DCC: variants seen among roughly 807,000 people sequenced by gnomAD.
DCC encodes DCC netrin 1 receptor.
A neutral mutation model predicts 172.5 loss-of-function variants in DCC; 58 were observed. The observed-to-expected ratio is 0.34, with a 90% CI of 0.27 to 0.42. The LOEUF (loss-of-function observed/expected upper bound fraction) is 0.42, where lower values mean the gene tolerates loss of function less well. DCC is among the 10% of genes least tolerant of loss of function. The pLI is 1.00. For synonymous variants in DCC, 709 were observed against 644.5 expected, an observed-to-expected ratio of 1.10 and a Z score of -1.52; for missense variants, 1,740 against 1,791.0, an observed-to-expected ratio of 0.97 and a Z score of 0.51.
At chr18:53,038,417 C>T (rs2042123933) in intron 5 of DCC, among the ~76,000 whole-genome samples, 1 of 151,930 alleles carries the variant, frequency 6.6e-6, no homozygotes, top group South Asian at 2.1e-4. Context: ...TAATCTAAAC[C>T]TACTTACCTC....
chr18:52,432,113 T>A (rs925039522), intron 1 of DCC, among the ~76,000 whole-genome samples: 1 of 152,196 alleles, frequency 6.6e-6, no homozygotes, highest in Non-Finnish European at 1.5e-5. Flanking sequence ...TTGTTCAAGC[T>A]TTGAAATCAC....
chr18:53,370,241 G>T (rs1034965522), intron 15 of DCC, among the ~76,000 whole-genome samples: 1 of 151,722 alleles, frequency 6.6e-6, no homozygotes, highest in Non-Finnish European at 1.5e-5. Flanking sequence ...TTGATGTACA[G>T]TTGTTTCTAG....
intron 15 of DCC, among the ~76,000 whole-genome samples, chr18:53,370,843 G>A (rs1432702672): frequency 6.6e-6 from 1 of 151,668 alleles, no homozygotes; most frequent in Non-Finnish European, 1.5e-5. Context: ...ACATATGCCT[G>A]TTAAATCTAG....
At chr18:52,651,027 A>G (rs145354941) in intron 1 of DCC, among the ~76,000 whole-genome samples, 182 of 152,350 alleles carry the variant, frequency 1.2e-3, no homozygotes, top group African/African-American at 4.1e-3. Flanking sequence ...TTATGAAAAG[A>G]AAAAGCTAAA....
chr18:52,475,350 G>A (rs564127348), intron 1 of DCC, among the ~76,000 whole-genome samples: 2 of 152,248 alleles, frequency 1.3e-5, no homozygotes, highest in South Asian at 4.1e-4. Flanking sequence ...AATAGTGGCA[G>A]AAAATAATGT....
At chr18:53,073,149 G>T (rs2042677923) in intron 7 of DCC, among the ~76,000 whole-genome samples, 1 of 152,114 alleles carries the variant, frequency 6.6e-6, no homozygotes, top group Non-Finnish European at 1.5e-5. Context: ...ATTGGGGAAA[G>T]TAAATTGAAA....
chr18:53,482,577 CT>C (rs1463818330), intron 25 of DCC, among the ~76,000 whole-genome samples: 17 of 151,984 alleles, frequency 1.1e-4, no homozygotes, highest in Middle Eastern at 3.4e-3. Context: ...GTATGAAACT[CT>C]TTTTCTAAAC....
intron 7 of DCC, among the ~76,000 whole-genome samples, chr18:53,157,132 G>A (rs1206841617): frequency 6.6e-6 from 1 of 152,074 alleles, no homozygotes; most frequent in Non-Finnish European, 1.5e-5. Context: ...GGACATTTAA[G>A]CAGTGGAATT....
At chr18:52,998,581 G>C (rs1015863719) in intron 5 of DCC, among the ~76,000 whole-genome samples, 8 of 151,976 alleles carry the variant, frequency 5.3e-5, no homozygotes, top group African/African-American at 1.7e-4. Flanking sequence ...CCCTTCATGG[G>C]GTTGGAAATT....
intron 16 of DCC, among the ~76,000 whole-genome samples, chr18:53,389,365 A>G (rs898831875): frequency 1.3e-5 from 2 of 152,194 alleles, no homozygotes; most frequent in African/African-American, 4.8e-5. Context: ...GAAAAAGACA[A>G]TTAATATATG....
chr18:52,931,425 A>T (rs1273181856), intron 5 of DCC, among the ~76,000 whole-genome samples: 4 of 126,008 alleles, frequency 3.2e-5, no homozygotes, highest in Admixed American at 3.0e-4. Flanking sequence ...GCATTTTATT[A>T]GACTCTTGTT....
chr18:52,658,829 T>A (rs1024835186), intron 1 of DCC, among the ~76,000 whole-genome samples: 1 of 152,176 alleles, frequency 6.6e-6, no homozygotes, highest in South Asian at 2.1e-4. Flanking sequence ...TATATTTCTG[T>A]TGATATTTAA....
intron 1 of DCC, among the ~76,000 whole-genome samples, chr18:52,589,698 C>A (rs1408367680): frequency 6.6e-6 from 1 of 152,076 alleles, no homozygotes; most frequent in African/African-American, 2.4e-5. Flanking sequence ...AAGCCTTTTT[C>A]TGTTTATAGT....
At chr18:53,060,687 A>G (rs1221968503) in intron 5 of DCC, among the ~76,000 whole-genome samples, 1 of 152,132 alleles carries the variant, frequency 6.6e-6, no homozygotes, top group Non-Finnish European at 1.5e-5. Context: ...TAATCAATGT[A>G]AGAGAAGGTT....
intron 1 of DCC, among the ~76,000 whole-genome samples, chr18:52,703,642 G>T (rs1402244671): frequency 6.6e-6 from 1 of 151,936 alleles, no homozygotes; most frequent in Non-Finnish European, 1.5e-5. Flanking sequence ...GGATTTCATG[G>T]GTTTGAGCAC....
At chr18:52,377,676 G>GAA (rs1291090304) in intron 1 of DCC, among the ~76,000 whole-genome samples, 85 of 129,704 alleles carry the variant, frequency 6.6e-4, no homozygotes, top group African/African-American at 2.3e-3. Context: ...CAAAACAACA[G>GAA]AAAAAAAAAA....
At chr18:52,355,099 ACT>A (rs1019846857) in intron 1 of DCC, among the ~76,000 whole-genome samples, 1 of 152,122 alleles carries the variant, frequency 6.6e-6, no homozygotes, top group African/African-American at 2.4e-5. Flanking sequence ...CCAGGGATAG[ACT>A]CTGTGTTTGC....
intron 12 of DCC, among the ~76,000 whole-genome samples, chr18:53,225,622 G>A (rs1344979777): frequency 1.3e-5 from 2 of 152,142 alleles, no homozygotes; most frequent in African/African-American, 2.4e-5. Flanking sequence ...AGGCTTGGAG[G>A]AACAAGTATT....
At position 53,246,421 on chromosome 18, in the gene DCC, C is replaced by T. The variant is rs181001139; in HGVS notation, c.1911+30824C>T. Among the ~76,000 whole-genome samples, 593 of 151,844 alleles carry T rather than the reference C, an allele frequency of 3.9e-3. 2 individuals carry two copies. The highest frequency in any genetic ancestry group is 0.014 in the African/African-American group (576 of 41,414). On this transcript the variant is annotated intron_variant, in intron 12 of 28. Coordinates refer to ENST00000442544, the MANE Select transcript of DCC (RefSeq NM_005215.4). The stretch of plus-strand genomic sequence containing the variant: ...GTGGGAGGAGGTTGTCAGAACATCA[C>T]TACTTGGATCTGAGAAAGGGTCAGG...
Sources: allele counts gnomAD v4.1 joint callset (sites outside exome capture counted in the v4.1 genomes callset), GRCh38; gene constraint gnomAD v4.1.1; transcripts MANE v1.5; gene names NCBI Gene and HGNC (gene_info 2026-07-23, HGNC 2026-07-21).